CPVL: variants seen among roughly 807,000 people sequenced by gnomAD.
CPVL encodes probable serine carboxypeptidase CPVL.
A neutral mutation model predicts 63.7 loss-of-function variants in CPVL; 51 were observed. The ratio of observed to expected loss-of-function variants is 0.80; its 90% CI spans 0.64 to 1.01. CPVL has a LOEUF of 1.01. CPVL is among the 50% of genes least tolerant of loss of function. CPVL has a pLI of 0.00. For synonymous variants in CPVL, 195 were observed against 206.0 expected (o/e 0.95, Z 0.46); for missense variants, 530 against 573.1 (o/e 0.92, Z 0.77).
intron 9 of CPVL, among the ~76,000 whole-genome samples, chr7:29,070,647 G>C (rs1157018078): frequency 6.6e-6 from 1 of 152,090 alleles, no homozygotes; most frequent in Non-Finnish European, 1.5e-5. Flanking sequence ...TTAGTGTCCT[G>C]ACACAGAGAA....
chr7:29,131,909 A>G (rs989819664), intron 1 of CPVL, among the ~76,000 whole-genome samples: 1 of 152,246 alleles, frequency 6.6e-6, no homozygotes, highest in African/African-American at 2.4e-5. Flanking sequence ...GCAGCAGCTG[A>G]CCTGGAACAG....
intron 2 of CPVL, among the ~76,000 whole-genome samples, chr7:29,115,119 T>C (rs371725056): frequency 2.6e-5 from 4 of 152,354 alleles, no homozygotes; most frequent in East Asian, 3.9e-4. Flanking sequence ...ATATAAATAC[T>C]GATTCCGCTA....
At chr7:29,111,492 C>T (rs1244129001) in intron 3 of CPVL, among the ~76,000 whole-genome samples, 1 of 152,198 alleles carries the variant, frequency 6.6e-6, no homozygotes, top group Non-Finnish European at 1.5e-5. Context: ...AGGCATCTCA[C>T]TTGCCTCACT....
At chr7:29,142,919 T>TCTA (rs1433126970) in intron 1 of CPVL, among the ~76,000 whole-genome samples, 1 of 152,118 alleles carries the variant, frequency 6.6e-6, no homozygotes, top group Non-Finnish European at 1.5e-5. Flanking sequence ...CAAGTGCTAT[T>TCTA]CTACTTCCTT....
intron 2 of CPVL, among the ~76,000 whole-genome samples, chr7:29,114,835 A>G (rs577925893): frequency 6.6e-6 from 1 of 152,220 alleles, no homozygotes; most frequent in Admixed American, 6.5e-5. Flanking sequence ...CACATGTAAA[A>G]TCTATATAAA....
At chr7:29,190,925 C>T (rs1425801484) in intron 1 of CPVL, among the ~76,000 whole-genome samples, 1 of 151,894 alleles carries the variant, frequency 6.6e-6, no homozygotes, top group Non-Finnish European at 1.5e-5. Flanking sequence ...AAGGATCCTG[C>T]CCCCACCATG....
chr7:29,167,141 A>C (rs1796023103), intron 5 of CPVL, among the ~76,000 whole-genome samples: 1 of 152,210 alleles, frequency 6.6e-6, no homozygotes, highest in South Asian at 2.1e-4. Context: ...ATACACTCAA[A>C]GTGTACTCAA....
intron 11 of CPVL, among the ~76,000 whole-genome samples, chr7:29,035,416 G>A (rs1307220221): frequency 1.3e-5 from 2 of 152,202 alleles, no homozygotes; most frequent in African/African-American, 2.4e-5. Context: ...ACCAAAAGCT[G>A]CTGGAAACTG....
intron 3 of CPVL, among the ~76,000 whole-genome samples, chr7:29,106,865 C>A (rs972962941): frequency 6.6e-6 from 1 of 152,164 alleles, no homozygotes; most frequent in African/African-American, 2.4e-5. Flanking sequence ...TGGCTTAAGA[C>A]AACAATAATA....
chr7:29,070,118 G>C (rs963147061), intron 9 of CPVL, among the ~76,000 whole-genome samples: 11 of 152,268 alleles, frequency 7.2e-5, no homozygotes, highest in African/African-American at 2.6e-4. Context: ...CATCACTCAA[G>C]ATACGGGACC....
chr7:29,107,448 A>T (rs1467359042), intron 3 of CPVL, among the ~76,000 whole-genome samples: 1 of 152,240 alleles, frequency 6.6e-6, no homozygotes, highest in Non-Finnish European at 1.5e-5. Context: ...TTAGCAATCC[A>T]CTAGGTTTAA....
intron 3 of CPVL, among the ~76,000 whole-genome samples, chr7:29,102,867 C>G (rs1787298243): frequency 6.6e-6 from 1 of 152,192 alleles, no homozygotes. Flanking sequence ...TTCACAATTT[C>G]TCACATTAGC....
rs1394152074 is a variant in CPVL at position 29,092,614 on chromosome 7, G to A, written c.542+9C>T. 3 of 1,599,368 alleles carry A rather than the reference G, an allele frequency of 1.9e-6. No individual in the cohort carries two copies. Among genetic ancestry groups the A allele is most frequent in the East Asian group, 2.2e-5 (1 of 44,800 alleles). ...TTAGGAAAGCCAAGAGAAAGCAGGA[G>A]CATTTTACCTGTATAAATCCCGTGC... On this transcript the variant is annotated intron_variant, in intron 6 of 12. Transcript: ENST00000265394.
At chr7:29,124,669 C>T (rs1030656582) in intron 1 of CPVL, among the ~76,000 whole-genome samples, 2 of 151,866 alleles carry the variant, frequency 1.3e-5, no homozygotes, top group Non-Finnish European at 2.9e-5. Flanking sequence ...AATTATTATA[C>T]ATACAGCAAT....
intron 12 of CPVL, chr7:28,996,224 G>A (rs2128119635): frequency 5.2e-6 from 1 of 191,226 alleles, no homozygotes; most frequent in Non-Finnish European, 1.1e-5. Flanking sequence ...TACCTGGTGA[G>A]GCCCACCTCC....
chr7:29,053,807 C>T (rs1372461131), intron 11 of CPVL, among the ~76,000 whole-genome samples: 1 of 148,556 alleles, frequency 6.7e-6, no homozygotes, highest in Non-Finnish European at 1.5e-5. Flanking sequence ...AATCCCAGCA[C>T]TTTGGAAGGC....
intron 1 of CPVL, chr7:29,193,087 T>C (rs950813325): frequency 6.6e-6 from 1 of 152,226 alleles, no homozygotes; most frequent in Non-Finnish European, 1.5e-5. Context: ...TGCGGGCGCT[T>C]GGGTCTCCTT....
chr7:29,170,888 G>A (rs931196456), intron 5 of CPVL, among the ~76,000 whole-genome samples: 3 of 152,070 alleles, frequency 2.0e-5, no homozygotes, highest in Non-Finnish European at 4.4e-5. Flanking sequence ...TCCCCTTATA[G>A]CAACTATCAG....
intron 12 of CPVL, among the ~76,000 whole-genome samples, chr7:29,017,640 A>C (rs1224712051): frequency 6.6e-6 from 1 of 152,226 alleles, no homozygotes; most frequent in African/African-American, 2.4e-5. Flanking sequence ...CTCAAAAAAC[A>C]AAACAAAATG....
Sources: allele counts gnomAD v4.1 joint callset (sites outside exome capture counted in the v4.1 genomes callset), GRCh38; gene constraint gnomAD v4.1.1; transcripts MANE v1.5; gene names NCBI Gene and HGNC (gene_info 2026-07-23, HGNC 2026-07-21).